HIVEP3: variants seen among roughly 807,000 people sequenced by gnomAD.
HIVEP3 encodes transcription factor HIVEP3.
In HIVEP3, 49 loss-of-function variants were observed where a neutral mutation model predicts 152.8. The observed-to-expected ratio is 0.32, with a 90% CI of 0.26 to 0.41. The LOEUF (loss-of-function observed/expected upper bound fraction) is 0.41. HIVEP3 is among the 10% of genes least tolerant of loss of function. HIVEP3 has a pLI of 1.00. For synonymous variants in HIVEP3, 1,269 were observed against 1,289.0 expected, an observed-to-expected ratio of 0.98 and a Z score of 0.33; for missense variants, 2,790 against 3,103.3, an observed-to-expected ratio of 0.90 and a Z score of 2.40.
At chr1:41,827,984 AGG>A (rs1399483645) in intron 1 of HIVEP3, among the ~76,000 whole-genome samples, 1 of 152,144 alleles carries the variant, frequency 6.6e-6, no homozygotes, top group Non-Finnish European at 1.5e-5. Context: ...TGTCACTCCT[AGG>A]ACAGCTCTCT....
At chr1:41,866,820 C>T (rs1432092040) in intron 1 of HIVEP3, among the ~76,000 whole-genome samples, 1 of 152,208 alleles carries the variant, frequency 6.6e-6, no homozygotes, top group Non-Finnish European at 1.5e-5. Context: ...TCCTGGCATG[C>T]TAAAGGTCAT....
intron 1 of HIVEP3, among the ~76,000 whole-genome samples, chr1:41,718,113 T>C (rs929483835): frequency 1.3e-5 from 2 of 152,176 alleles, no homozygotes; most frequent in Non-Finnish European, 2.9e-5. Flanking sequence ...CTTCTCCATA[T>C]GGGAAATTGG....
At chr1:41,871,648 GAA>G (rs2124414237) in intron 1 of HIVEP3, among the ~76,000 whole-genome samples, 1 of 152,342 alleles carries the variant, frequency 6.6e-6, no homozygotes, top group South Asian at 2.1e-4. Flanking sequence ...TTGATCTGCT[GAA>G]ATAACCAGAT....
intron 1 of HIVEP3, among the ~76,000 whole-genome samples, chr1:41,715,907 A>G (rs1019730215): frequency 1.3e-5 from 2 of 152,260 alleles, no homozygotes; most frequent in Admixed American, 6.5e-5. Context: ...GAACTTGCAC[A>G]TATACACAGG....
At chr1:41,860,196 GAA>G (rs1483817897) in intron 1 of HIVEP3, among the ~76,000 whole-genome samples, 1 of 152,190 alleles carries the variant, frequency 6.6e-6, no homozygotes, top group Admixed American at 6.5e-5. Context: ...ATATCGGAGA[GAA>G]GAGTCAAATC....
intron 1 of HIVEP3, among the ~76,000 whole-genome samples, chr1:41,925,793 T>C (rs929732676): frequency 1.7e-4 from 26 of 152,350 alleles, no homozygotes; most frequent in Non-Finnish European, 2.4e-4. Context: ...CAAATGTTTC[T>C]GTCAGTATCT....
At chr1:41,930,531 G>A (rs758278221) in intron 1 of HIVEP3, among the ~76,000 whole-genome samples, 21 of 152,120 alleles carry the variant, frequency 1.4e-4, no homozygotes, top group Non-Finnish European at 2.1e-4. Flanking sequence ...GACCATCTCA[G>A]TTGTGTCCAG....
intron 1 of HIVEP3, among the ~76,000 whole-genome samples, chr1:41,947,285 G>A (rs115591612): frequency 0.016 from 2,424 of 152,260 alleles, 48 homozygotes; most frequent in African/African-American, 0.051. Context: ...CCACCCAAGC[G>A]CTCTTTAATT....
chr1:41,566,239 C>T (rs544809418), intron 5 of HIVEP3, among the ~76,000 whole-genome samples: 1 of 152,150 alleles, frequency 6.6e-6, no homozygotes, highest in Non-Finnish European at 1.5e-5. Context: ...GTGAAGACCT[C>T]AAGCCCATAG....
intron 1 of HIVEP3, among the ~76,000 whole-genome samples, chr1:41,917,867 T>C (rs1644894823): frequency 6.6e-6 from 1 of 152,156 alleles, no homozygotes; most frequent in Non-Finnish European, 1.5e-5. Context: ...AGCTATCCCC[T>C]CTGTCTCAGC....
chr1:41,724,348 A>G (rs1646721233), intron 1 of HIVEP3, among the ~76,000 whole-genome samples: 1 of 152,184 alleles, frequency 6.6e-6, no homozygotes, highest in Non-Finnish European at 1.5e-5. Context: ...TGGTCCCCTT[A>G]GGGAGAAAAG....
intron 2 of HIVEP3, among the ~76,000 whole-genome samples, chr1:41,657,699 T>A (rs1442425909): frequency 6.6e-6 from 1 of 152,182 alleles, no homozygotes; most frequent in Non-Finnish European, 1.5e-5. Flanking sequence ...CATTCCCACA[T>A]CACAGATCAG....
intron 1 of HIVEP3, among the ~76,000 whole-genome samples, chr1:41,811,254 C>T (rs1370100628): frequency 1.3e-5 from 2 of 151,630 alleles, no homozygotes; most frequent in African/African-American, 2.4e-5. Flanking sequence ...CCAAGGCCCA[C>T]TCTGGCAGCC....
At chr1:42,009,433 C>T (rs1364398987) in intron 1 of HIVEP3, among the ~76,000 whole-genome samples, 1 of 152,106 alleles carries the variant, frequency 6.6e-6, no homozygotes, top group Non-Finnish European at 1.5e-5. Flanking sequence ...TCCTTTTTAC[C>T]CTCTGGCTCT....
chr1:41,880,265 T>C (rs1355140036), intron 1 of HIVEP3, among the ~76,000 whole-genome samples: 1 of 152,048 alleles, frequency 6.6e-6, no homozygotes, highest in East Asian at 1.9e-4. Context: ...GGTCCCGAAC[T>C]CCTAGGCTCA....
intron 1 of HIVEP3, among the ~76,000 whole-genome samples, chr1:41,888,252 A>C (rs1291373565): frequency 1.2e-4 from 17 of 139,934 alleles, no homozygotes; most frequent in East Asian, 8.2e-4. Flanking sequence ...TGGGGTTTCA[A>C]CATGTTAGCC....
At chr1:41,713,912 C>T (rs1646551954) in intron 1 of HIVEP3, among the ~76,000 whole-genome samples, 1 of 152,148 alleles carries the variant, frequency 6.6e-6, no homozygotes, top group African/African-American at 2.4e-5. Context: ...GCTGAGAGCC[C>T]CCCGAAACAA....
chr1:41,577,486 T>C (rs1644343428), intron 4 of HIVEP3, among the ~76,000 whole-genome samples: 2 of 152,096 alleles, frequency 1.3e-5, no homozygotes, highest in South Asian at 4.2e-4. Flanking sequence ...TGCTGTGTTG[T>C]TGTCAAAATG....
intron 3 of HIVEP3, among the ~76,000 whole-genome samples, chr1:41,615,749 G>A (rs958434632): frequency 2.6e-5 from 4 of 151,286 alleles, no homozygotes; most frequent in African/African-American, 9.7e-5. Flanking sequence ...GGTCACTCCT[G>A]GGAGCACAGG....
Sources: allele counts gnomAD v4.1 joint callset (sites outside exome capture counted in the v4.1 genomes callset), GRCh38; gene constraint gnomAD v4.1.1; transcripts MANE v1.5; gene names NCBI Gene and HGNC (gene_info 2026-07-23, HGNC 2026-07-21).